Variants in APPL1 observed in about 807,000 individuals in gnomAD.
APPL1 encodes the protein DCC-interacting protein 13-alpha.
A neutral mutation model predicts 106.8 loss-of-function variants in APPL1; 42 were observed. The observed-to-expected ratio is 0.39, with a 90% CI of 0.31 to 0.51. The LOEUF is 0.51. Among genes scored for constraint, APPL1 ranks in the 20% least tolerant of loss-of-function variants. The pLI, the probability that APPL1 is intolerant of heterozygous loss-of-function variation, is 0.75. For synonymous variants in APPL1, 263 were observed against 281.8 expected, an observed-to-expected ratio of 0.93 and a Z score of 0.67; for missense variants, 769 against 858.2, an observed-to-expected ratio of 0.90 and a Z score of 1.30.
At chr3:57,261,327 T>C (rs757225448) in intron 19 of APPL1, among the ~76,000 whole-genome samples, 2 of 152,248 alleles carry the variant, frequency 1.3e-5, no homozygotes, top group African/African-American at 2.4e-5. Context: ...CCATTGTGTA[T>C]ATGTACCACA....
Position 57,240,584 on chromosome 3 carries a change from T to C in APPL1, c.373+32T>C, listed in dbSNP as rs373978597. 1.9e-6 allele frequency: 3 copies of C among 1,556,242 alleles called. No homozygotes were observed. In the South Asian group the frequency reaches 3.3e-5, roughly 17 times the overall value. On this transcript the variant is annotated intron_variant, in intron 5 of 21. Transcript: ENST00000288266. ...AAGTCAAGCTTATGTTTACTTTCAT[T>C]GGCTGTGAGATCAACACTTGTAAAA...
At chr3:57,229,237 G>T (rs1395182233) in intron 1 of APPL1, among the ~76,000 whole-genome samples, 1 of 152,074 alleles carries the variant, frequency 6.6e-6, no homozygotes, top group Non-Finnish European at 1.5e-5. Context: ...TTTGCAAAAA[G>T]TTTGTGGAAT....
chr3:57,254,586 A>G (rs2060824961), intron 13 of APPL1, among the ~76,000 whole-genome samples: 1 of 152,206 alleles, frequency 6.6e-6, no homozygotes, highest in Admixed American at 6.5e-5. Context: ...AAAAGAATAC[A>G]AATGCAGAAA....
At chr3:57,251,524 CAA>C (rs75189556) in intron 11 of APPL1, among the ~76,000 whole-genome samples, 19 of 70,896 alleles carry the variant, frequency 2.7e-4, no homozygotes, top group Admixed American at 2.7e-4. Flanking sequence ...GACTTTGTCT[CAA>C]AAAAAAAAAA....
At position 57,259,045 on chromosome 3, in the gene APPL1, G is replaced by A; in HGVS notation, c.1448G>A (p.Gly483Glu). The stretch of plus-strand genomic sequence containing the variant: ...CTTTTTAGGCGTACAAATCCATTTG[G>A]AGAATCTGGAGGAAGTACAAAATCT... ...GQGGRRTNPF[G>E]ESGGSTKSET... is the part of the protein sequence containing the mutation. Residue 483 changes from glycine (G) to glutamate (E), a missense_variant, in exon 16 of 22, where the codon GGA becomes GAA. Gly to Glu is a moderately conservative substitution (Grantham distance 98). Coordinates refer to ENST00000288266, the MANE Select transcript of APPL1 (RefSeq NM_012096.3). 1 of 1,612,736 alleles carries A rather than the reference G, an allele frequency of 6.2e-7. No individual in the cohort carries two copies. The highest frequency in any genetic ancestry group is 8.5e-7 in the Non-Finnish European group (1 of 1,179,410).
intron 1 of APPL1, among the ~76,000 whole-genome samples, chr3:57,233,470 G>T (rs2060699547): frequency 6.7e-6 from 1 of 149,420 alleles, no homozygotes; most frequent in African/African-American, 2.5e-5. Context: ...CCTTGAATTG[G>T]AATTACCCAT....
At chr3:57,231,890 A>G (rs986126732) in intron 1 of APPL1, among the ~76,000 whole-genome samples, 3 of 152,058 alleles carry the variant, frequency 2.0e-5, no homozygotes, top group South Asian at 2.1e-4. Context: ...TTTGATTTAT[A>G]GTAACTACGT....
Position 57,257,061 on chromosome 3 carries a change from C to G in APPL1, c.1247+10C>G. Reference sequence around the variant, plus strand: ...TGCGGCCAGCAGCAGGGTAAGTTACCACACTGAGTTATTTAAAGAAGGAGA... The same window carrying G: ...TGCGGCCAGCAGCAGGGTAAGTTACGACACTGAGTTATTTAAAGAAGGAGA... On this transcript the variant is annotated intron_variant, in intron 14 of 21. Transcript: ENST00000288266. 5.0e-6 allele frequency: 8 copies of G among 1,613,218 alleles called. No individual in the cohort carries two copies. Among genetic ancestry groups the G allele is most frequent in the Non-Finnish European group, 6.8e-6 (8 of 1,179,276 alleles).
At chr3:57,253,867 T>A in intron 13 of APPL1, 129 bp downstream of exon 13, 5 of 740,534 alleles carry the variant, frequency 6.8e-6, no homozygotes, top group Non-Finnish European at 9.3e-6. Flanking sequence ...AGTAGCTTTT[T>A]TTTTTTTTTT....
Position 57,248,225 on chromosome 3 carries a change from C to T in APPL1, c.737C>T (p.Thr246Ile). The T allele has an allele frequency of 6.2e-7, 1 of 1,614,080 alleles. No homozygotes were observed. Among genetic ancestry groups the T allele is most frequent in the Non-Finnish European group, 8.5e-7 (1 of 1,180,006 alleles). Residue 246 changes from threonine (T) to isoleucine (I), a missense_variant, in exon 10 of 22, where the codon ACC becomes ATC. Transcript: ENST00000288266. The part of the protein sequence containing the change: ...VRREMDSDIE[T>I]MQQTIEDLEV... The stretch of plus-strand genomic sequence containing the variant: ...AGGGAAATGGACAGTGATATAGAGA[C>T]CATGCAACAGACAATAGAGGATTTG...
intron 6 of APPL1, 46 bp downstream of exon 6, chr3:57,242,188 G>T: frequency 7.0e-7 from 1 of 1,427,478 alleles, no homozygotes; most frequent in Non-Finnish European, 9.8e-7. Context: ...TGATGTATTT[G>T]TTTATCAGTG....
Position 57,257,277 on chromosome 3 carries a change from A to G in APPL1, c.1279A>G (p.Ser427Gly), listed in dbSNP as rs1269034922. The change falls in exon 15 of 22, where the codon AGT becomes GGT. Residue 427 changes from serine (S) to glycine (G), a missense_variant. By Grantham distance (56) the Ser-to-Gly change is moderately conservative. Coordinates refer to ENST00000288266, the MANE Select transcript of APPL1 (RefSeq NM_012096.3). ...QSRPPTARTS[S>G]SGSLGSESTN... ...TCGGCCACCGACAGCTCGAACCAGC[A>G]GTTCAGGATCCTTAGGATCTGAGTC... 1 of 1,613,694 alleles carries G rather than the reference A, an allele frequency of 6.2e-7. No individual in the cohort carries two copies. Among genetic ancestry groups the G allele is most frequent in the Non-Finnish European group, 8.5e-7 (1 of 1,179,956 alleles).
chr3:57,256,806 T>C, intron 13 of APPL1, 151 bp from the exon 14 acceptor site: 3 of 598,448 alleles, frequency 5.0e-6, no homozygotes, highest in Non-Finnish European at 8.9e-6. Context: ...TGTACCCTAA[T>C]ATTAAGACGA....
chr3:57,263,712 G>A (rs115666212), intron 19 of APPL1, among the ~76,000 whole-genome samples: 1,532 of 149,376 alleles, frequency 0.01, 11 homozygotes, highest in Non-Finnish European at 0.017. Context: ...TTTTCTGGCT[G>A]AATAGTACTC....
At chr3:57,268,104 A>AG (rs1239899933) in intron 20 of APPL1, 4 of 459,354 alleles carry the variant, frequency 8.7e-6, no homozygotes, top group Non-Finnish European at 1.5e-5. Context: ...AAAAAAAAAA[A>AG]GGAATCCAAG....
chr3:57,250,062 TAGTGTTATTTTAAA>T (rs2060795310), intron 11 of APPL1, among the ~76,000 whole-genome samples: 2 of 152,208 alleles, frequency 1.3e-5, no homozygotes, highest in Non-Finnish European at 2.9e-5. Flanking sequence ...GTGCTAACAA[TAGTGTTATTTTAAA>T]ATGTTAATCA....
intron 21 of APPL1, 135 bp from the exon 22 acceptor site, chr3:57,269,405 CT>C: frequency 1.2e-6 from 1 of 818,582 alleles, no homozygotes. Context: ...TGTAGCTTTT[CT>C]TTTTATCAAG....
Position 57,247,470 on chromosome 3 carries a change from G to A in APPL1, c.697G>A (p.Val233Ile), listed in dbSNP as rs143447963. The change falls in exon 9 of 22, where the codon GTT (valine) becomes ATT (isoleucine). Residue 233 changes from valine to isoleucine, a missense_variant. By Grantham distance (29) the Val-to-Ile change is conservative (BLOSUM62 3). Transcript: ENST00000288266. ...EEFLANIGTS[V>I]QNVRREMDSD... Reference sequence around the variant, plus strand: ...ATTTTTAGCTAATATTGGAACAAGCGTTCAGAAGTAAGTATTTTTTTCCTT... The same window carrying A: ...ATTTTTAGCTAATATTGGAACAAGCATTCAGAAGTAAGTATTTTTTTCCTT... 1.4e-5 allele frequency: 23 copies of A among 1,591,146 alleles called. No homozygotes were observed. Among genetic ancestry groups the A allele is most frequent in the African/African-American group, 1.1e-4 (8 of 74,450 alleles).
At chr3:57,249,697 G>T (rs1003999721) in intron 11 of APPL1, 149 bp downstream of exon 11, 3 of 730,836 alleles carry the variant, frequency 4.1e-6, no homozygotes, top group Non-Finnish European at 6.1e-6. Context: ...GAAATATATT[G>T]AATTTTTGTC....
Sources: gnomAD v4.1 joint callset for allele counts (sites outside exome capture counted in the v4.1 genomes callset) on GRCh38, gnomAD v4.1.1 for gene constraint, MANE v1.5 for transcripts, NCBI Gene and HGNC (gene_info 2026-07-23, HGNC 2026-07-21) for gene names.